DLG2: variants seen among roughly 807,000 people sequenced by gnomAD.
The protein encoded by DLG2 is discs large MAGUK scaffold protein 2, also known as disks large homolog 2.
A neutral mutation model predicts 132.5 loss-of-function variants in DLG2; 45 were observed. The ratio of observed to expected loss-of-function variants is 0.34; its 90% CI spans 0.27 to 0.44. DLG2 has a LOEUF of 0.44. Ranked by LOEUF, DLG2 falls within the 20% of genes least tolerant of loss-of-function variation. The pLI, the probability that DLG2 is intolerant of heterozygous loss-of-function variation, is 1.00. For synonymous variants in DLG2, 424 were observed against 419.6 expected, an observed-to-expected ratio of 1.01 and a Z score of -0.13; for missense variants, 1,045 against 1,196.9, an observed-to-expected ratio of 0.87 and a Z score of 1.87.
At chr11:84,481,817 A>G (rs544471717) in intron 7 of DLG2, among the ~76,000 whole-genome samples, 199 of 152,282 alleles carry the variant, frequency 1.3e-3, no homozygotes, top group African/African-American at 4.7e-3. Flanking sequence ...AAAATGTCGT[A>G]CTGCAACTTC....
At chr11:85,332,966 C>T (rs1337855078) in intron 3 of DLG2, among the ~76,000 whole-genome samples, 1 of 152,060 alleles carries the variant, frequency 6.6e-6, no homozygotes, top group Non-Finnish European at 1.5e-5. Flanking sequence ...TTTTTGAATA[C>T]CTTTTTCTAA....
chr11:84,931,889 A>G (rs2048135229), intron 6 of DLG2, among the ~76,000 whole-genome samples: 1 of 152,126 alleles, frequency 6.6e-6, no homozygotes. Context: ...GCTTCTTTTC[A>G]TGATTGCTGG....
chr11:85,351,203 C>A (rs1309453020), intron 3 of DLG2, among the ~76,000 whole-genome samples: 1 of 152,152 alleles, frequency 6.6e-6, no homozygotes. Flanking sequence ...TGATTTGGCT[C>A]TCTGTTGGTT....
chr11:85,562,926 A>C (rs1158536536), intron 3 of DLG2, among the ~76,000 whole-genome samples: 1 of 151,866 alleles, frequency 6.6e-6, no homozygotes, highest in East Asian at 1.9e-4. Context: ...GGAGTGCCTA[A>C]GTTATTTCTC....
At chr11:84,516,784 G>C (rs2099274486) in intron 7 of DLG2, among the ~76,000 whole-genome samples, 1 of 150,792 alleles carries the variant, frequency 6.6e-6, no homozygotes, top group African/African-American at 2.4e-5. Context: ...AGAAACTACA[G>C]AACAATATTC....
intron 18 of DLG2, among the ~76,000 whole-genome samples, chr11:83,641,551 T>A (rs1160183940): frequency 1.3e-5 from 2 of 152,136 alleles, no homozygotes; most frequent in Non-Finnish European, 2.9e-5. Flanking sequence ...CTTAGAGCTT[T>A]TCTCACCCTG....
chr11:84,741,001 G>A (rs1003209762), intron 6 of DLG2, among the ~76,000 whole-genome samples: 1 of 151,024 alleles, frequency 6.6e-6, no homozygotes, highest in African/African-American at 2.4e-5. Flanking sequence ...GCATCCCCAT[G>A]GACTACGCAT....
intron 3 of DLG2, among the ~76,000 whole-genome samples, chr11:85,427,231 A>T (rs919365897): frequency 6.6e-6 from 1 of 152,236 alleles, no homozygotes; most frequent in Non-Finnish European, 1.5e-5. Context: ...AACTTCCCCA[A>T]TCTAGCAAGG....
At chr11:85,010,757 T>A (rs1940123) in intron 6 of DLG2, among the ~76,000 whole-genome samples, 107,231 of 151,840 alleles carry the variant, frequency 0.71, 38,855 homozygotes, top group East Asian at 0.92. Context: ...AAGTCCAAAC[T>A]CTTACAAAAT....
chr11:85,403,258 C>T (rs1012135055), intron 3 of DLG2, among the ~76,000 whole-genome samples: 2 of 151,902 alleles, frequency 1.3e-5, no homozygotes, highest in African/African-American at 2.4e-5. Flanking sequence ...AACCAAACAC[C>T]GCATATTCAC....
chr11:84,965,742 G>A (rs557484246), intron 6 of DLG2, among the ~76,000 whole-genome samples: 1 of 151,948 alleles, frequency 6.6e-6, no homozygotes, highest in Non-Finnish European at 1.5e-5. Context: ...AGCTACTAAA[G>A]GTAAGGAAAA....
chr11:84,498,135 A>C (rs891755137), intron 7 of DLG2, among the ~76,000 whole-genome samples: 2 of 152,216 alleles, frequency 1.3e-5, no homozygotes, highest in African/African-American at 4.8e-5. Flanking sequence ...CACAAAAACG[A>C]AAAGAGATAA....
Position 84,451,638 on chromosome 11 carries a change from G to A in DLG2, c.519+82932C>T, listed in dbSNP as rs532143483. Among the ~76,000 whole-genome samples the A allele has an allele frequency of 4.9e-4, 74 of 151,592 alleles. 1 individual carries two copies. Among genetic ancestry groups the A allele is most frequent in the Non-Finnish European group, 5.5e-4 (37 of 67,796 alleles). ...CAACAAATCCTAATTTGAATGTTAC[G>A]ATGCACCAACCTGTTTATAAGCAAT... On this transcript the variant is annotated intron_variant, in intron 7 of 27. Transcript: ENST00000376104.
chr11:84,531,674 G>A (rs1345916190), intron 7 of DLG2, among the ~76,000 whole-genome samples: 1 of 152,130 alleles, frequency 6.6e-6, no homozygotes, highest in East Asian at 1.9e-4. Context: ...AGAACTGGTG[G>A]TTCCAAAAAG....
intron 6 of DLG2, among the ~76,000 whole-genome samples, chr11:85,087,919 T>C (rs1165887899): frequency 1.6e-4 from 24 of 150,378 alleles, no homozygotes; most frequent in Admixed American, 1.6e-3. Context: ...TTAAAATGCA[T>C]TCTTAGTACA....
At chr11:85,524,730 G>A (rs2074606502) in intron 3 of DLG2, among the ~76,000 whole-genome samples, 1 of 152,186 alleles carries the variant, frequency 6.6e-6, no homozygotes, top group Non-Finnish European at 1.5e-5. Context: ...CTGGACTCAA[G>A]CTGTCCTCCA....
At chr11:84,708,013 G>C (rs2059959341) in intron 6 of DLG2, among the ~76,000 whole-genome samples, 1 of 151,710 alleles carries the variant, frequency 6.6e-6, no homozygotes, top group Non-Finnish European at 1.5e-5. Context: ...CCACGACTTT[G>C]GGCTTGGTCA....
intron 3 of DLG2, among the ~76,000 whole-genome samples, chr11:85,335,390 T>A (rs2082059616): frequency 6.6e-6 from 1 of 152,196 alleles, no homozygotes; most frequent in Admixed American, 6.5e-5. Context: ...CTTTGCCTTT[T>A]ATTGGGGCAT....
At position 85,375,734 on chromosome 11, in the gene DLG2, C is replaced by T. The variant is rs2085352418; in HGVS notation, c.41-90369G>A. ...TCAATTTGAACAGTAATAAGGACAA[C>T]ATAACTCACATGGAAGCATTTGATA... On this transcript the variant is annotated intron_variant, in intron 3 of 27. Transcript: ENST00000376104. 2.0e-5 allele frequency among the ~76,000 whole-genome samples: 3 copies of T among 152,192 alleles called. No homozygotes were observed. The South Asian group carries it at 6.2e-4, about 32-fold the overall frequency.
Sources: gnomAD v4.1 joint callset for allele counts (sites outside exome capture counted in the v4.1 genomes callset) on GRCh38, gnomAD v4.1.1 for gene constraint, MANE v1.5 for transcripts, NCBI Gene and HGNC (gene_info 2026-07-23, HGNC 2026-07-21) for gene names.